The following KIAA1328 variants were observed in gnomAD, a reference collection of about 807,000 sequenced individuals.
The protein encoded by KIAA1328 is KIAA1328, also known as protein hinderin.
In KIAA1328, 52 loss-of-function variants were observed where a neutral mutation model predicts 68.1. That is an observed-to-expected ratio of 0.76 (90% CI 0.61 to 0.96). The LOEUF is 0.96. KIAA1328 is among the 40% of genes least tolerant of loss of function. The probability of loss-of-function intolerance (pLI) is 0.00; values close to 1 mark genes in which losing one functional copy is unlikely to be tolerated. For missense variants in KIAA1328, 641 were observed against 677.6 expected (o/e 0.95, Z 0.60); for synonymous variants, 232 against 239.4 (o/e 0.97, Z 0.28).
At chr18:36,872,062 T>C (rs1237315347) in intron 4 of KIAA1328, among the ~76,000 whole-genome samples, 1 of 152,192 alleles carries the variant, frequency 6.6e-6, no homozygotes, top group African/African-American at 2.4e-5. Flanking sequence ...CCTTCTCCTC[T>C]ATCTTCCCTG....
At chr18:36,980,288 G>A (rs575590453) in intron 6 of KIAA1328, among the ~76,000 whole-genome samples, 3 of 152,242 alleles carry the variant, frequency 2.0e-5, no homozygotes, top group African/African-American at 7.2e-5. Context: ...CCAGTGCAGG[G>A]CAATAGACTA....
At chr18:37,159,302 A>G (rs1403069204) in intron 7 of KIAA1328, among the ~76,000 whole-genome samples, 3 of 152,210 alleles carry the variant, frequency 2.0e-5, no homozygotes, top group African/African-American at 7.2e-5. Context: ...AGACCTGGCA[A>G]CACTCCATTC....
Position 37,223,039 on chromosome 18 carries a change from G to A in KIAA1328, c.*812G>A, listed in dbSNP as rs1036258413. 1.0e-6 allele frequency: 1 copy of A among 982,612 alleles called. No individual in the cohort carries two copies. The highest frequency in any genetic ancestry group is 1.8e-5 in the African/African-American group (1 of 56,326). The allele number at this position is 982,612 out of a possible 1,614,324, so 60.9% of individuals were successfully genotyped here. On this transcript the variant is annotated 3_prime_UTR_variant, in exon 10 of 10. Transcript: ENST00000280020. ...GTATTTTTATTTACCCAAGTGTTCA[G>A]CTTATTCACCCCACCCCCCCACCCC...
Position 36,905,410 on chromosome 18 carries a change from C to T in KIAA1328, c.448+19738C>T, listed in dbSNP as rs532429705. On this transcript the variant is annotated intron_variant, in intron 5 of 9. Transcript: ENST00000280020. The stretch of plus-strand genomic sequence containing the variant: ...TACAGGCGTGACCCACCATGCCTGG[C>T]CTTGTAAGGATATTTAAATAAGGAA... Among the ~76,000 whole-genome samples, 25 of 152,100 alleles carry T rather than the reference C, an allele frequency of 1.6e-4. No homozygotes were observed. The South Asian group carries it at 5.2e-3, about 32-fold the overall frequency.
intron 6 of KIAA1328, among the ~76,000 whole-genome samples, chr18:37,038,688 G>T (rs1349582884): frequency 6.6e-6 from 1 of 151,920 alleles, no homozygotes; most frequent in Non-Finnish European, 1.5e-5. Flanking sequence ...CATAATGTAT[G>T]TCTTTTTTTT....
intron 9 of KIAA1328, among the ~76,000 whole-genome samples, chr18:37,214,116 G>T (rs982751532): frequency 6.6e-6 from 1 of 152,066 alleles, no homozygotes; most frequent in Non-Finnish European, 1.5e-5. Flanking sequence ...TCACTCTGAT[G>T]GTAGTTTCTT....
At chr18:37,211,093 T>G (rs1170687491) in intron 9 of KIAA1328, among the ~76,000 whole-genome samples, 1 of 152,250 alleles carries the variant, frequency 6.6e-6, no homozygotes, top group Non-Finnish European at 1.5e-5. Flanking sequence ...GAGGAAAAGA[T>G]AGCTCAGTTA....
At chr18:36,899,128 G>A (rs1451879097) in intron 5 of KIAA1328, among the ~76,000 whole-genome samples, 2 of 151,732 alleles carry the variant, frequency 1.3e-5, no homozygotes, top group Non-Finnish European at 2.9e-5. Flanking sequence ...TTTGGGTTTT[G>A]GTAGATGCCT....
intron 7 of KIAA1328, among the ~76,000 whole-genome samples, chr18:37,077,103 G>A (rs1173412152): frequency 9.3e-5 from 14 of 150,836 alleles, no homozygotes; most frequent in Admixed American, 3.3e-4. Flanking sequence ...CTGGCAAACC[G>A]AATCCAGCAG....
chr18:37,054,026 A>G (rs1330281770), intron 6 of KIAA1328, among the ~76,000 whole-genome samples: 1 of 152,194 alleles, frequency 6.6e-6, no homozygotes, highest in Non-Finnish European at 1.5e-5. Flanking sequence ...AAAAGAAGAT[A>G]TGTAAGTGGC....
chr18:37,105,916 C>CAAAAAAAAAAAAAAAAAAAAAAAAAAA (rs58940699), intron 7 of KIAA1328, among the ~76,000 whole-genome samples: 1 of 19,502 alleles, frequency 5.1e-5, no homozygotes, highest in African/African-American at 1.2e-4. Flanking sequence ...GACTCTGTGT[C>CAAAAAAAAAAAAAAAAAAAAAAAAAAA]AAAAAAAAAA....
At chr18:37,193,745 T>C in intron 9 of KIAA1328, 1 of 616,510 alleles carries the variant, frequency 1.6e-6, no homozygotes, top group Non-Finnish European at 2.9e-6. Context: ...AACAGAAAAC[T>C]GAATTGTTTT....
chr18:37,002,862 A>G (rs138790313), intron 6 of KIAA1328, among the ~76,000 whole-genome samples: 3 of 152,256 alleles, frequency 2.0e-5, no homozygotes, highest in East Asian at 1.9e-4. Flanking sequence ...TGAAAACACA[A>G]AAGTGCCCAA....
At chr18:37,079,597 T>G (rs939768422) in intron 7 of KIAA1328, among the ~76,000 whole-genome samples, 2 of 151,922 alleles carry the variant, frequency 1.3e-5, no homozygotes, top group African/African-American at 2.4e-5. Context: ...AATACATATG[T>G]AAAAGTTCAG....
intron 7 of KIAA1328, among the ~76,000 whole-genome samples, chr18:37,118,006 TTC>T (rs1049669195): frequency 8.2e-6 from 1 of 121,684 alleles, no homozygotes; most frequent in African/African-American, 4.1e-5. Flanking sequence ...ATTGCTTTCT[TTC>T]TTTTTTTTTT....
chr18:36,845,319 T>C (rs997474174), intron 4 of KIAA1328, among the ~76,000 whole-genome samples: 1 of 151,740 alleles, frequency 6.6e-6, no homozygotes, highest in African/African-American at 2.4e-5. Context: ...GGAAAACATT[T>C]CATTGTTATC....
intron 6 of KIAA1328, among the ~76,000 whole-genome samples, chr18:36,989,055 G>C (rs1401413632): frequency 6.6e-6 from 1 of 152,166 alleles, no homozygotes; most frequent in Non-Finnish European, 1.5e-5. Context: ...TTGTGAAGTA[G>C]ATTCTGGTGA....
At chr18:36,989,627 A>G (rs1348845687) in intron 6 of KIAA1328, among the ~76,000 whole-genome samples, 2 of 152,208 alleles carry the variant, frequency 1.3e-5, no homozygotes, top group Non-Finnish European at 2.9e-5. Context: ...TCGTGTGCCC[A>G]TGAGCCAAGG....
intron 7 of KIAA1328, among the ~76,000 whole-genome samples, chr18:37,153,488 T>C (rs1039178891): frequency 6.6e-6 from 1 of 152,172 alleles, no homozygotes; most frequent in African/African-American, 2.4e-5. Context: ...ATTTTGAAGA[T>C]ATTAGTATAA....
Sources: gnomAD v4.1 joint callset for allele counts (sites outside exome capture counted in the v4.1 genomes callset) on GRCh38, gnomAD v4.1.1 for gene constraint, MANE v1.5 for transcripts, NCBI Gene and HGNC (gene_info 2026-07-23, HGNC 2026-07-21) for gene names.